LOXL1: variants seen among roughly 807,000 people sequenced by gnomAD.
The protein encoded by LOXL1 is lysyl oxidase homolog 1.
LOXL1 carries 31 observed loss-of-function variants against 62.2 expected under a neutral mutation model. That is an observed-to-expected ratio of 0.50 (90% CI 0.37 to 0.67). The LOEUF is 0.67. Ranked by LOEUF, LOXL1 falls within the 30% of genes least tolerant of loss-of-function variation. LOXL1 has a pLI of 0.00. For missense variants in LOXL1, 775 were observed against 843.4 expected (o/e 0.92, Z 1.00); for synonymous variants, 403 against 384.4 (o/e 1.05, Z -0.56).
At chr15:73,931,003 A>C (rs1595843659) in intron 1 of LOXL1, among the ~76,000 whole-genome samples, 1 of 151,940 alleles carries the variant, frequency 6.6e-6, no homozygotes, top group Non-Finnish European at 1.5e-5. Flanking sequence ...GCTATTACCA[A>C]CCAGGCCCTC....
intron 2 of LOXL1, 93 bp downstream of exon 2, chr15:73,943,055 G>A: frequency 1.0e-6 from 1 of 970,136 alleles, no homozygotes; most frequent in Non-Finnish European, 1.7e-6. Flanking sequence ...TAGGCTGTCT[G>A]CAAGCTGATG....
At chr15:73,934,277 G>A (rs1425118966) in intron 1 of LOXL1, among the ~76,000 whole-genome samples, 4 of 152,240 alleles carry the variant, frequency 2.6e-5, no homozygotes, top group African/African-American at 9.6e-5. Flanking sequence ...ACGTTTTATG[G>A]AGTATGGGCA....
At chr15:73,933,929 C>T (rs1217608751) in intron 1 of LOXL1, among the ~76,000 whole-genome samples, 8 of 152,338 alleles carry the variant, frequency 5.3e-5, no homozygotes, top group African/African-American at 1.7e-4. Context: ...TTCTTTTTGT[C>T]GGGACTCATG....
intron 1 of LOXL1, 91 bp downstream of exon 1, chr15:73,927,976 T>A: frequency 8.6e-7 from 1 of 1,161,240 alleles, no homozygotes; most frequent in Non-Finnish European, 1.1e-6. Context: ...TAGAACTTCC[T>A]GGAGGCCTCC....
Position 73,946,444 on chromosome 15 carries a change from C to T in LOXL1, c.1239C>T (p.Asp413=). ...CAGCCTATGCCCCTGAGGCCACCGA[C>T]TACGATGTGCGGGTGCTACTGCGCT... The part of the protein sequence containing the change: ...ASTAYAPEAT[D]YDVRVLLRFP... Residue 413 remains aspartate, a synonymous_variant, in exon 3 of 7, where the codon GAC becomes GAT. Transcript: ENST00000261921. 6.2e-7 allele frequency: 1 copy of T among 1,613,246 alleles called. No homozygotes were observed. Among genetic ancestry groups the T allele is most frequent in the Non-Finnish European group, 8.5e-7 (1 of 1,179,720 alleles).
chr15:73,927,958 C>A, intron 1 of LOXL1, 73 bp downstream of exon 1: 1 of 1,254,184 alleles, frequency 8.0e-7, no homozygotes, highest in Non-Finnish European at 1.0e-6. Flanking sequence ...GCCCCCCGGG[C>A]CCCTCCTTAG....
At chr15:73,947,757 G>T (rs764884626) in intron 4 of LOXL1, 50 bp from the exon 5 acceptor site, 15 of 1,325,412 alleles carry the variant, frequency 1.1e-5, no homozygotes, top group Non-Finnish European at 1.6e-5. Context: ...GCGTGGGGTG[G>T]CTCTGGGAAA....
chr15:73,944,868 G>A (rs910993339), intron 2 of LOXL1, among the ~76,000 whole-genome samples: 20 of 152,178 alleles, frequency 1.3e-4, no homozygotes, highest in African/African-American at 4.6e-4. Flanking sequence ...CTTTCATCCT[G>A]GCAGACAGTC....
intron 1 of LOXL1, among the ~76,000 whole-genome samples, chr15:73,939,890 C>T (rs2068701870): frequency 6.6e-6 from 1 of 152,144 alleles, no homozygotes; most frequent in Non-Finnish European, 1.5e-5. Context: ...GCCTCAGTTT[C>T]CTCCGGTGCT....
At chr15:73,951,042 C>T (rs1232988377) in intron 6 of LOXL1, among the ~76,000 whole-genome samples, 1 of 152,214 alleles carries the variant, frequency 6.6e-6, no homozygotes, top group East Asian at 1.9e-4. Flanking sequence ...CTTAGCCATT[C>T]AAGACCCAGG....
In LOXL1 at chr15:73,935,138, G is replaced by A. The variant is rs540077387; in HGVS notation, c.1102+7253G>A. 1.2e-4 allele frequency among the ~76,000 whole-genome samples: 19 copies of A among 152,314 alleles called. No individual in the cohort carries two copies. The South Asian group carries it at 2.3e-3, about 18-fold the overall frequency. ...TTTCTGTGCATCCCTTTTACTCAGC[G>A]TTTGAGCTGAGTAGAAGCATGGGTC... On this transcript the variant is annotated intron_variant, in intron 1 of 6. Transcript: ENST00000261921.
At chr15:73,949,382 C>A in intron 5 of LOXL1, 77 bp from the exon 6 acceptor site, 1 of 838,720 alleles carries the variant, frequency 1.2e-6, no homozygotes, top group Non-Finnish European at 2.1e-6. Context: ...TGCCTCTTTA[C>A]CACCTTCTCT....
Position 73,937,552 on chromosome 15 carries a change from C to T in LOXL1, c.1103-5302C>T, listed in dbSNP as rs553754813. Among the ~76,000 whole-genome samples the T allele has an allele frequency of 9.8e-5, 15 of 152,366 alleles. No individual in the cohort carries two copies. The South Asian group carries it at 2.9e-3, about 29-fold the overall frequency. On this transcript the variant is annotated intron_variant, in intron 1 of 6. Coordinates refer to ENST00000261921, the MANE Select transcript of LOXL1 (RefSeq NM_005576.4). ...CTGCCATCCTGGCCCAGGCTCTGTG[C>T]AGCCTGCATCTGAGGAAGAATGCCC...
intron 1 of LOXL1, among the ~76,000 whole-genome samples, chr15:73,939,490 G>A (rs2068698770): frequency 6.6e-6 from 1 of 152,232 alleles, no homozygotes; most frequent in Non-Finnish European, 1.5e-5. Flanking sequence ...TGTTAGAGAT[G>A]TAGAACAAAG....
intron 1 of LOXL1, among the ~76,000 whole-genome samples, chr15:73,939,543 A>G (rs1016843984): frequency 6.6e-6 from 1 of 152,238 alleles, no homozygotes; most frequent in Non-Finnish European, 1.5e-5. Flanking sequence ...TTTAAGTTCT[A>G]GAAAAGGCAT....
intron 1 of LOXL1, among the ~76,000 whole-genome samples, chr15:73,937,600 A>G (rs936637228): frequency 2.0e-5 from 3 of 152,244 alleles, no homozygotes; most frequent in African/African-American, 7.2e-5. Flanking sequence ...ACAGGGCCTC[A>G]GGCCCCGAGT....
In LOXL1 at chr15:73,945,368, G is replaced by A. The variant is rs910910378; in HGVS notation, c.1212-1049G>A. 2.6e-5 allele frequency among the ~76,000 whole-genome samples: 4 copies of A among 152,298 alleles called. No individual in the cohort carries two copies. The highest frequency in any genetic ancestry group is 4.8e-5 in the African/African-American group (2 of 41,560). ...TGCTGTTAGAGCTCACAGGCAATCC[G>A]GATCCTCTATGTAGAGCAATCAGGG... is the stretch of plus-strand genomic sequence containing the variant. On this transcript the variant is annotated intron_variant, in intron 2 of 6. Transcript: ENST00000261921. The surrounding 1 kb of genome is among the most constrained non-coding windows in gnomAD (Gnocchi z 4.3).
In LOXL1 at chr15:73,927,080, C is replaced by T. The variant is rs1312491759; in HGVS notation, c.297C>T (p.Ser99=). ...GCCCCCGGCGTCGGCAGGCGCCGTC[C>T]CTGCCCCTGCCGGGGCGCGTGGGCT... is the stretch of plus-strand genomic sequence containing the variant. ...HGSPRRRQAP[S]LPLPGRVGSD... is the part of the protein sequence containing the mutation. The change falls in exon 1 of 7, where the codon TCC becomes TCT. Residue 99 remains serine, a synonymous_variant. Transcript: ENST00000261921. 1.5e-6 allele frequency: 2 copies of T among 1,308,426 alleles called. No individual in the cohort carries two copies. Among genetic ancestry groups the T allele is most frequent in the African/African-American group, 1.5e-5 (1 of 64,750 alleles). 81.1% of individuals were successfully genotyped at this position (1,308,426 alleles called of 1,614,324 possible).
Position 73,926,495 on chromosome 15 carries a change from G to GC in LOXL1, c.-287dup. 1 of 344,676 alleles carries GC rather than the reference G, an allele frequency of 2.9e-6. No homozygotes were observed. Among genetic ancestry groups the GC allele is most frequent in the Admixed American group, 4.8e-5 (1 of 20,954 alleles). 21.4% of individuals were successfully genotyped at this position (344,676 alleles called of 1,614,324 possible). A position where few individuals can be genotyped will look rare whatever the true frequency, so the allele number is the denominator to read the frequency against. On this transcript the variant is annotated 5_prime_UTR_variant, in exon 1 of 7. Coordinates refer to ENST00000261921, the MANE Select transcript of LOXL1 (RefSeq NM_005576.4). ...TGGGAAAGCGCCAGCCGAGCGGCCA[G>GC]CCAGTGCGGGGCTGGCCATGTAAGG...
Sources: allele counts gnomAD v4.1 joint callset (sites outside exome capture counted in the v4.1 genomes callset), GRCh38; gene constraint gnomAD v4.1.1; non-coding constraint Gnocchi (gnomAD v3.1); transcripts MANE v1.5; gene names NCBI Gene and HGNC (gene_info 2026-07-23, HGNC 2026-07-21).